MED23: variants seen among roughly 807,000 people sequenced by gnomAD.
The protein encoded by MED23 is mediator of RNA polymerase II transcription subunit 23.
In MED23, 105 loss-of-function variants were observed where a neutral mutation model predicts 163.9. The observed-to-expected ratio is 0.64, with a 90% CI of 0.55 to 0.75. MED23 has a LOEUF of 0.75. Ranked by LOEUF, MED23 falls within the 30% of genes least tolerant of loss-of-function variation. The pLI is 0.00. For synonymous variants in MED23, 561 were observed against 565.6 expected (o/e 0.99, Z 0.12); for missense variants, 1,054 against 1,649.0 (o/e 0.64, Z 6.25).
At chr6:131,577,188 G>A (rs1430117294) in intron 30 of MED23, among the ~76,000 whole-genome samples, 3 of 152,160 alleles carry the variant, frequency 2.0e-5, no homozygotes, top group African/African-American at 4.8e-5. Context: ...GCATGCAAAT[G>A]CAAATTTACG....
In MED23 at chr6:131,615,921, C is replaced by G. The variant is rs767788265; in HGVS notation, c.862G>C (p.Gly288Arg). The change falls in exon 10 of 29, where the codon GGT (glycine) becomes CGT (arginine). Residue 288 changes from glycine (G) to arginine (R), a missense_variant. Gly to Arg is a moderately radical substitution (Grantham distance 125). Transcript: ENST00000368068. ...YSRDMVCNML[G>R]LNKQHKQRCP... The stretch of plus-strand genomic sequence containing the variant: ...TAGTACAGTACCTGCTTATTTAAAC[C>G]TAGCATATTGCAGACCATATCCCTG... 1 of 1,612,668 alleles carries G rather than the reference C, an allele frequency of 6.2e-7. No homozygotes were observed. Among genetic ancestry groups the G allele is most frequent in the Non-Finnish European group, 8.5e-7 (1 of 1,178,960 alleles).
At position 131,598,800 on chromosome 6, in the gene MED23, T is replaced by C. The variant is rs1775260001; in HGVS notation, c.2221-39A>G. On this transcript the variant is annotated intron_variant, in intron 18 of 28. Transcript: ENST00000368068. This position sits in a 1 kb window ranked among gnomAD's most constrained non-coding sequence, Gnocchi z 4.7. ...TAGAAGTTTATTTCATTGGTTATAG[T>C]AGAAAGAGCACTGGATATGGAGTTA... The C allele has an allele frequency of 1.9e-6, 3 of 1,573,222 alleles. No homozygotes were observed. The highest frequency in any genetic ancestry group is 2.6e-6 in the Non-Finnish European group (3 of 1,143,038).
Position 131,607,401 on chromosome 6 carries a change from C to T in MED23, c.1221+527G>A, listed in dbSNP as rs568344405. On this transcript the variant is annotated intron_variant, in intron 12 of 28. Transcript: ENST00000368068. ...CTCTACCAAAAATACAAAAATTAGT[C>T]GGGCATGTTGGCATGTGCATGTAAT... Among the ~76,000 whole-genome samples the T allele has an allele frequency of 7.2e-5, 11 of 152,032 alleles. No individual in the cohort carries two copies. The East Asian group carries it at 1.4e-3, about 19-fold the overall frequency.
At chr6:131,581,084 C>A in intron 30 of MED23, 2 of 828,852 alleles carry the variant, frequency 2.4e-6, no homozygotes, top group Non-Finnish European at 4.0e-6. Context: ...TAATTGGCAT[C>A]TCCAATTCAG....
chr6:131,581,300 C>T (rs1773911699), intron 30 of MED23: 2 of 1,613,794 alleles, frequency 1.2e-6, no homozygotes, highest in African/African-American at 2.7e-5. Context: ...ACACTGATAT[C>T]AACACTCCAC....
In MED23 at chr6:131,603,181, T is replaced by C; in HGVS notation, c.1780A>G (p.Lys594Glu). 6.2e-7 allele frequency: 1 copy of C among 1,613,936 alleles called. No individual in the cohort carries two copies. The highest frequency in any genetic ancestry group is 8.5e-7 in the Non-Finnish European group (1 of 1,179,858). Residue 594 changes from lysine to glutamate, a missense_variant, in exon 16 of 29, where the codon AAA becomes GAA. Physicochemically the swap from Lys to Glu is moderately conservative, Grantham distance 56. This residue lies in a region of MED23 where 2 missense variants were observed against 44.0 expected (regional missense o/e 0.05). Transcript: ENST00000368068. ...TGTAAGATCCCCCATGCATGTGATT[T>C]GAAAACAGTTGGCAAAAGCTGACCT... ...FISQLLPTVF[K>E]SHAWGILHTL...
At chr6:131,579,389 ATATTT>A (rs1386900426) in intron 30 of MED23, 3 of 1,311,366 alleles carry the variant, frequency 2.3e-6, no homozygotes, top group Non-Finnish European at 1.0e-6. Flanking sequence ...GCATTGACCT[ATATTT>A]TATATCAAAT....
At chr6:131,607,672 C>T (rs1775959718) in intron 12 of MED23, among the ~76,000 whole-genome samples, 1 of 152,068 alleles carries the variant, frequency 6.6e-6, no homozygotes, top group Non-Finnish European at 1.5e-5. Flanking sequence ...TGAGGCTCAA[C>T]TGTCAAAGAA....
chr6:131,627,113 C>A, intron 3 of MED23: 1 of 347,868 alleles, frequency 2.9e-6, no homozygotes, highest in South Asian at 5.4e-5. Flanking sequence ...CAAATAAATC[C>A]GAATAGGATG....
At chr6:131,585,304 G>C (rs948944788), downstream of MED23, among the ~76,000 whole-genome samples, 1 of 152,094 alleles carries the variant, frequency 6.6e-6, no homozygotes, top group African/African-American at 2.4e-5. Context: ...AAACCCCAGG[G>C]GGTCCTGTAA....
rs1288330812 is a variant in MED23, at chr6:131,581,315, A to C, written c.4095+6394T>G. ...ACACTGATATCAACACTCCACTGACAACCACAAGTGGAAACTTGCATGGAC... is the reference window on the plus strand; with the variant it reads ...ACACTGATATCAACACTCCACTGACCACCACAAGTGGAAACTTGCATGGAC... On this transcript the variant is annotated intron_variant, in intron 30 of 30. Transcript: ENST00000354577. 4 of 1,613,844 alleles carry C rather than the reference A, an allele frequency of 2.5e-6. No homozygotes were observed. The highest frequency in any genetic ancestry group is 3.4e-6 in the Non-Finnish European group (4 of 1,179,886).
At chr6:131,627,077 C>G (rs1488968226) in intron 3 of MED23, 1 of 253,446 alleles carries the variant, frequency 3.9e-6, no homozygotes, top group Non-Finnish European at 7.5e-6. Context: ...ACAAGTAAAG[C>G]TTAACATATC....
At chr6:131,626,007 A>T (rs1214010026) in intron 3 of MED23, among the ~76,000 whole-genome samples, 1 of 151,476 alleles carries the variant, frequency 6.6e-6, no homozygotes, top group Admixed American at 6.6e-5. Flanking sequence ...CTGTAGTCCC[A>T]GCTACTCGGG....
In MED23 at chr6:131,586,737, A is replaced by G; in HGVS notation, c.*942T>C. On this transcript the variant is annotated 3_prime_UTR_variant, in exon 29 of 29. Coordinates refer to ENST00000368068, the MANE Select transcript of MED23 (RefSeq NM_004830.4). ...CGACACTCATTCCAATGGAGTCGGG[A>G]AACAATCACACGGTTTATTCATTCA... The G allele has an allele frequency of 6.9e-7, 1 of 1,445,412 alleles. No homozygotes were observed. Among genetic ancestry groups the G allele is most frequent in the Non-Finnish European group, 9.2e-7 (1 of 1,083,544 alleles). The allele number at this position is 1,445,412 out of a possible 1,614,324, so 89.5% of individuals were successfully genotyped here.
At chr6:131,601,104 C>T (rs1370028586) in intron 17 of MED23, among the ~76,000 whole-genome samples, 1 of 151,870 alleles carries the variant, frequency 6.6e-6, no homozygotes, top group Admixed American at 6.6e-5. Flanking sequence ...GCTAGCTAGA[C>T]TTACGTATTT....
At chr6:131,627,343 AAAAG>A in intron 3 of MED23, 49 bp downstream of exon 3, 5 of 1,352,974 alleles carry the variant, frequency 3.7e-6, no homozygotes, top group Admixed American at 2.1e-5. Flanking sequence ...AAAAAAAAAA[AAAAG>A]AAGAGGCCAA....
rs376144764 is a variant in MED23, at chr6:131,618,492, T to C, written c.695A>G (p.Asn232Ser). ...CGRCSLLPVV[N>S]NSGAICNSWK... ...TGAATTACAAATGGCACCCGAATTATTTACAACTGGCAGAAGACTACAGCG... is the reference window on the plus strand; with the variant it reads ...TGAATTACAAATGGCACCCGAATTACTTACAACTGGCAGAAGACTACAGCG... The change falls in exon 9 of 29, where the codon AAT becomes AGT. Residue 232 changes from asparagine to serine, a missense_variant. Physicochemically the swap from Asn to Ser is conservative, Grantham distance 46 (BLOSUM62 1). This residue lies in a region of MED23 where 54 missense variants were observed against 79.7 expected (regional missense o/e 0.68). Coordinates refer to ENST00000368068, the MANE Select transcript of MED23 (RefSeq NM_004830.4). 98 of 1,613,918 alleles carry C rather than the reference T, an allele frequency of 6.1e-5. No individual in the cohort carries two copies. The highest frequency in any genetic ancestry group is 8.0e-5 in the Non-Finnish European group (94 of 1,179,932).
chr6:131,585,338 T>C (rs1585434679), downstream of MED23, among the ~76,000 whole-genome samples: 1 of 152,304 alleles, frequency 6.6e-6, no homozygotes, highest in African/African-American at 2.4e-5. Flanking sequence ...CATGAATGGA[T>C]TTCTCCTGTG....
At chr6:131,592,673 C>T (rs375145460) in intron 24 of MED23, 1 of 605,030 alleles carries the variant, frequency 1.7e-6, no homozygotes. Flanking sequence ...CAATCATTAT[C>T]CCATACTTCA....
Sources: gnomAD v4.1 joint callset for allele counts (sites outside exome capture counted in the v4.1 genomes callset) on GRCh38, gnomAD v4.1.1 for gene constraint, gnomAD v4.1.1 regional missense constraint, Gnocchi (gnomAD v3.1) non-coding constraint, MANE v1.5 for transcripts, NCBI Gene and HGNC (gene_info 2026-07-23, HGNC 2026-07-21) for gene names.